Variants in FOXP1 observed in about 807,000 individuals in gnomAD.
FOXP1 encodes the protein forkhead box protein P1.
Under a neutral mutation model 98.2 loss-of-function variants are expected in FOXP1, and 15 were observed. That is an observed-to-expected ratio of 0.15 (90% CI 0.10 to 0.24). The LOEUF (loss-of-function observed/expected upper bound fraction) is 0.24, where lower values mean the gene tolerates loss of function less well. Ranked by LOEUF, FOXP1 falls within the 10% of genes least tolerant of loss-of-function variation. The probability of loss-of-function intolerance (pLI) is 1.00; values close to 1 mark genes in which losing one functional copy is unlikely to be tolerated. For missense variants in FOXP1, 633 were observed against 848.5 expected (o/e 0.75, Z 3.15); for synonymous variants, 371 against 314.5 (o/e 1.18, Z -1.90).
chr3:71,513,426 G>C (rs561309697), intron 2 of FOXP1, among the ~76,000 whole-genome samples: 27 of 152,190 alleles, frequency 1.8e-4, no homozygotes, highest in Admixed American at 2.0e-4. Flanking sequence ...TAAAAAGCCA[G>C]TACTCCCCTC....
intron 5 of FOXP1, among the ~76,000 whole-genome samples, chr3:71,263,869 T>A (rs1344922876): frequency 1.3e-5 from 2 of 151,836 alleles, no homozygotes; most frequent in Non-Finnish European, 2.9e-5. Flanking sequence ...CTCAGCCTCC[T>A]GAATAGCTGA....
chr3:71,374,284 A>C (rs573389834), intron 3 of FOXP1, among the ~76,000 whole-genome samples: 2 of 152,282 alleles, frequency 1.3e-5, no homozygotes, highest in South Asian at 4.1e-4. Flanking sequence ...TTTTATTCAG[A>C]ATTTGCATTC....
intron 6 of FOXP1, among the ~76,000 whole-genome samples, chr3:71,178,011 T>C (rs1481378470): frequency 3.3e-5 from 5 of 151,618 alleles, no homozygotes; most frequent in African/African-American, 4.9e-5. Flanking sequence ...ATTTTTTATT[T>C]TTAGTAAAGA....
chr3:71,387,168 C>T (rs375429201), intron 3 of FOXP1, among the ~76,000 whole-genome samples: 5 of 152,150 alleles, frequency 3.3e-5, no homozygotes, highest in African/African-American at 4.8e-5. Context: ...TTATTTCTTT[C>T]GACACTTTAT....
At chr3:71,474,048 C>T (rs1159718381) in intron 3 of FOXP1, among the ~76,000 whole-genome samples, 45 of 152,064 alleles carry the variant, frequency 3.0e-4, no homozygotes, top group Non-Finnish European at 2.9e-5. Flanking sequence ...AAAATAGTTA[C>T]GTTAGGAAAA....
At chr3:71,480,099 C>G (rs527888739) in intron 3 of FOXP1, among the ~76,000 whole-genome samples, 1 of 152,056 alleles carries the variant, frequency 6.6e-6, no homozygotes, top group African/African-American at 2.4e-5. Context: ...AGGAGGCTAA[C>G]GCAGAAGAAT....
intron 5 of FOXP1, among the ~76,000 whole-genome samples, chr3:71,275,349 T>A (rs1288359370): frequency 6.6e-6 from 1 of 152,160 alleles, no homozygotes; most frequent in Non-Finnish European, 1.5e-5. Flanking sequence ...CCACAGATAA[T>A]GTTACAAGTT....
intron 3 of FOXP1, among the ~76,000 whole-genome samples, chr3:71,388,138 A>G (rs2080737729): frequency 1.3e-5 from 2 of 152,144 alleles, no homozygotes; most frequent in African/African-American, 4.8e-5. Flanking sequence ...ATCATTTCCA[A>G]TCTAATTCTC....
intron 6 of FOXP1, among the ~76,000 whole-genome samples, chr3:71,137,726 G>A (rs1161477282): frequency 6.6e-6 from 1 of 151,954 alleles, no homozygotes; most frequent in Non-Finnish European, 1.5e-5. Context: ...ACATCCGAAT[G>A]CATCTGGATG....
intron 3 of FOXP1, among the ~76,000 whole-genome samples, chr3:71,370,956 G>A (rs1315018951): frequency 6.6e-6 from 1 of 151,800 alleles, no homozygotes; most frequent in Non-Finnish European, 1.5e-5. Flanking sequence ...CACACGCCAC[G>A]ACGCCCAGCT....
At chr3:71,327,363 T>C (rs2075753045) in intron 4 of FOXP1, among the ~76,000 whole-genome samples, 1 of 2,838 alleles carries the variant, frequency 3.5e-4, no homozygotes, top group Non-Finnish European at 0.033. Flanking sequence ...ATTATAGGTG[T>C]GCATCACCAC....
rs12490181 is a variant in FOXP1, at chr3:71,458,007, C to T, written c.-168+35419G>A. Among the ~76,000 whole-genome samples the T allele has an allele frequency of 9.5e-3, 1,453 of 152,258 alleles. 53 individuals carry two copies. The highest frequency in any genetic ancestry group is 0.071 in the Admixed American group (1,089 of 15,300). On this transcript the variant is annotated intron_variant, in intron 3 of 20. Transcript: ENST00000649528. ...CAATTTCAGGAAAATTAGAGTTCAG[C>T]CCTTTCTTTCTCTCCATTTTCGTAA...
intron 4 of FOXP1, among the ~76,000 whole-genome samples, chr3:71,308,749 A>G (rs1456622935): frequency 2.3e-5 from 3 of 132,288 alleles, no homozygotes; most frequent in East Asian, 2.5e-4. Context: ...TTCTACCACA[A>G]TGTGTGTGTG....
intron 2 of FOXP1, among the ~76,000 whole-genome samples, chr3:71,529,910 T>C (rs780678405): frequency 1.7e-4 from 26 of 152,120 alleles, no homozygotes; most frequent in Non-Finnish European, 2.5e-4. Context: ...TTCTAATTAG[T>C]GACTGAACCC....
intron 5 of FOXP1, among the ~76,000 whole-genome samples, chr3:71,243,281 T>G (rs937376363): frequency 1.3e-5 from 2 of 152,326 alleles, no homozygotes; most frequent in East Asian, 3.9e-4. Flanking sequence ...TCAAGCTCAT[T>G]TTGGTTAAAT....
intron 3 of FOXP1, among the ~76,000 whole-genome samples, chr3:71,481,474 CA>C (rs891297558): frequency 5.3e-5 from 8 of 152,146 alleles, no homozygotes; most frequent in African/African-American, 1.7e-4. Flanking sequence ...TTTCACTTAA[CA>C]AAAAAGATAA....
intron 3 of FOXP1, among the ~76,000 whole-genome samples, chr3:71,449,390 G>A (rs1299936454): frequency 2.0e-5 from 3 of 152,206 alleles, no homozygotes; most frequent in Non-Finnish European, 2.9e-5. Flanking sequence ...GAAGTGAAAT[G>A]TAATTTTCAT....
intron 4 of FOXP1, among the ~76,000 whole-genome samples, chr3:71,314,748 C>T (rs537149690): frequency 1.4e-4 from 21 of 152,030 alleles, no homozygotes; most frequent in African/African-American, 4.8e-4. Flanking sequence ...AAAAAAGCTA[C>T]AAGCCAAAGT....
chr3:71,197,862 C>A, intron 6 of FOXP1: 1 of 1,612,286 alleles, frequency 6.2e-7, no homozygotes, highest in South Asian at 1.1e-5. Context: ...TTTATTTTTG[C>A]ATGAAAGCAG....
Sources: allele counts gnomAD v4.1 joint callset (sites outside exome capture counted in the v4.1 genomes callset), GRCh38; gene constraint gnomAD v4.1.1; transcripts MANE v1.5; gene names NCBI Gene and HGNC (gene_info 2026-07-23, HGNC 2026-07-21).